ARHGAP6: variants seen among roughly 807,000 people sequenced by gnomAD.
ARHGAP6 encodes rho GTPase-activating protein 6.
ARHGAP6 carries 16 observed loss-of-function variants against 55.7 expected under a neutral mutation model. That is an observed-to-expected ratio of 0.29 (90% CI 0.19 to 0.44). The LOEUF is 0.44. ARHGAP6 is among the 20% of genes least tolerant of loss of function. The pLI is 1.00. For synonymous variants in ARHGAP6, 382 were observed against 360.9 expected, an observed-to-expected ratio of 1.06 and a Z score of -0.66; for missense variants, 698 against 808.9, an observed-to-expected ratio of 0.86 and a Z score of 1.66.
At chrX:11,437,824 G>A (rs1470729962) in intron 1 of ARHGAP6, among the ~76,000 whole-genome samples, 1 of 112,439 alleles carries the variant, frequency 8.9e-6, no homozygotes, top group Non-Finnish European at 1.9e-5. Context: ...GCTCACAGAT[G>A]TTGGTCATTA....
chrX:11,275,928 T>C (rs760671913), intron 1 of ARHGAP6, among the ~76,000 whole-genome samples: 2 of 111,581 alleles, frequency 1.8e-5, no homozygotes, highest in Non-Finnish European at 3.8e-5. Flanking sequence ...AATCATCACA[T>C]TAACAAGAAA....
intron 1 of ARHGAP6, among the ~76,000 whole-genome samples, chrX:11,536,097 G>A (rs1386611568): frequency 9.0e-6 from 1 of 111,619 alleles, no homozygotes; most frequent in East Asian, 2.8e-4. Flanking sequence ...GCCAGAGGCT[G>A]GTGAGTGAGC....
At chrX:11,441,595 G>A (rs1023835219) in intron 1 of ARHGAP6, among the ~76,000 whole-genome samples, 5 of 111,641 alleles carry the variant, frequency 4.5e-5, no homozygotes, top group Non-Finnish European at 9.4e-5. Flanking sequence ...AGAAGGAACA[G>A]GGAAGTTATT....
At chrX:11,202,854 C>A (rs1292789320) in intron 2 of ARHGAP6, among the ~76,000 whole-genome samples, 1 of 77,258 alleles carries the variant, frequency 1.3e-5, no homozygotes, top group Non-Finnish European at 2.4e-5. Context: ...AATGTGTGAA[C>A]ATATTATAAT....
At chrX:11,474,994 G>A (rs1025679840) in intron 1 of ARHGAP6, among the ~76,000 whole-genome samples, 1 of 111,092 alleles carries the variant, frequency 9.0e-6, no homozygotes, top group Non-Finnish European at 1.9e-5. Flanking sequence ...AAGCCAAGCA[G>A]ATGCCAGTAC....
intron 1 of ARHGAP6, among the ~76,000 whole-genome samples, chrX:11,652,737 T>C (rs192276007): frequency 1.8e-5 from 2 of 111,864 alleles, no homozygotes; most frequent in Admixed American, 9.5e-5. Context: ...AGAATTTTTA[T>C]GTCTATTATA....
At chrX:11,614,800 G>A (rs755219737) in intron 1 of ARHGAP6, among the ~76,000 whole-genome samples, 2 of 112,170 alleles carry the variant, frequency 1.8e-5, no homozygotes, top group East Asian at 2.8e-4. Context: ...CGAAGAAAAC[G>A]TATTATTTTT....
At chrX:11,607,100 T>C (rs936229154) in intron 1 of ARHGAP6, among the ~76,000 whole-genome samples, 4 of 112,445 alleles carry the variant, frequency 3.6e-5, no homozygotes, top group African/African-American at 9.7e-5. Context: ...AACATCTTCA[T>C]TGTAATCTTT....
At chrX:11,393,917 T>C in intron 1 of ARHGAP6, among the ~76,000 whole-genome samples, 1 of 111,802 alleles carries the variant, frequency 8.9e-6, no homozygotes, top group East Asian at 2.8e-4. Flanking sequence ...TGCAATTTAG[T>C]AGTAATTCCA....
intron 1 of ARHGAP6, among the ~76,000 whole-genome samples, chrX:11,522,013 C>G (rs1040664054): frequency 9.0e-6 from 1 of 111,341 alleles, no homozygotes; most frequent in South Asian, 3.8e-4. Context: ...GATTTTGTAT[C>G]CTGAGACTTT....
intron 1 of ARHGAP6, among the ~76,000 whole-genome samples, chrX:11,552,180 A>G (rs1385648685): frequency 9.0e-6 from 1 of 110,946 alleles, no homozygotes; most frequent in African/African-American, 3.3e-5. Context: ...CATACTCAAT[A>G]TAACTAGTCA....
chrX:11,279,260 CA>C (rs2047819838), intron 1 of ARHGAP6, among the ~76,000 whole-genome samples: 1 of 111,922 alleles, frequency 8.9e-6, no homozygotes, highest in African/African-American at 3.2e-5. Flanking sequence ...TTAATAATAT[CA>C]AAAACAATAC....
intron 2 of ARHGAP6, among the ~76,000 whole-genome samples, chrX:11,248,656 CAT>C (rs1216932254): frequency 2.7e-5 from 3 of 112,057 alleles, no homozygotes; most frequent in African/African-American, 9.7e-5. Flanking sequence ...GGACAACAAA[CAT>C]ATAAAAAATG....
intron 1 of ARHGAP6, among the ~76,000 whole-genome samples, chrX:11,635,629 C>T (rs1340628632): frequency 3.6e-5 from 4 of 111,160 alleles, no homozygotes; most frequent in Non-Finnish European, 7.6e-5. Flanking sequence ...GTACTCAGGC[C>T]ATAATTAACT....
intron 10 of ARHGAP6, among the ~76,000 whole-genome samples, chrX:11,154,901 C>G (rs1414213485): frequency 2.7e-5 from 3 of 112,423 alleles, no homozygotes; most frequent in Non-Finnish European, 3.8e-5. Flanking sequence ...TTTATTCACT[C>G]ATGGCTCTTG....
intron 10 of ARHGAP6, among the ~76,000 whole-genome samples, chrX:11,149,429 G>T (rs746089368): frequency 8.2e-5 from 9 of 109,392 alleles, no homozygotes; most frequent in Admixed American, 2.0e-4. Flanking sequence ...AAACTATCTG[G>T]CTGGAAAGAC....
intron 1 of ARHGAP6, among the ~76,000 whole-genome samples, chrX:11,580,143 AC>A (rs1387202760): frequency 8.9e-6 from 1 of 112,111 alleles, no homozygotes; most frequent in Non-Finnish European, 1.9e-5. Context: ...GATGATAGCT[AC>A]CAAAACTAAA....
intron 1 of ARHGAP6, among the ~76,000 whole-genome samples, chrX:11,333,633 AAGG>A (rs1351319506): frequency 1.8e-5 from 2 of 112,621 alleles, no homozygotes; most frequent in Non-Finnish European, 3.8e-5. Context: ...TAGCATGAAA[AAGG>A]AGAAGAGATA....
chrX:11,534,179 G>A (rs1351845954), intron 1 of ARHGAP6, among the ~76,000 whole-genome samples: 2 of 111,662 alleles, frequency 1.8e-5, no homozygotes, highest in Non-Finnish European at 1.9e-5. Context: ...ATTCAAAATG[G>A]AGATGCTGCC....
Sources: gnomAD v4.1 joint callset for allele counts (sites outside exome capture counted in the v4.1 genomes callset) on GRCh38, gnomAD v4.1.1 for gene constraint, MANE v1.5 for transcripts, NCBI Gene and HGNC (gene_info 2026-07-23, HGNC 2026-07-21) for gene names.